The following NCAPD3 variants were observed in gnomAD, a reference collection of about 807,000 sequenced individuals.
The protein encoded by NCAPD3 is non-SMC condensin II complex subunit D3.
NCAPD3 carries 105 observed loss-of-function variants against 182.9 expected under a neutral mutation model. The ratio of observed to expected loss-of-function variants is 0.57; its 90% confidence interval spans 0.49 to 0.68. NCAPD3 has a LOEUF of 0.68. Ranked by LOEUF, NCAPD3 falls within the 30% of genes least tolerant of loss-of-function variation. The pLI, the probability that NCAPD3 is intolerant of heterozygous loss-of-function variation, is 0.00. For missense variants in NCAPD3, 1,944 were observed against 1,837.0 expected, an observed-to-expected ratio of 1.06 and a Z score of -1.07; for synonymous variants, 815 against 679.9, an observed-to-expected ratio of 1.20 and a Z score of -3.09.
intron 23 of NCAPD3, among the ~76,000 whole-genome samples, chr11:134,177,008 T>A (rs1944184945): frequency 6.6e-6 from 1 of 152,264 alleles, no homozygotes; most frequent in South Asian, 2.1e-4. Context: ...CTTGACAGGA[T>A]GTCTGAACAA....
At chr11:134,168,882 G>A (rs760455995) in intron 25 of NCAPD3, 35 bp downstream of exon 25, 5 of 1,599,690 alleles carry the variant, frequency 3.1e-6, no homozygotes. Context: ...CTCTTACCCA[G>A]ATACAAGGAG....
intron 19 of NCAPD3, among the ~76,000 whole-genome samples, chr11:134,181,820 G>C (rs1250989202): frequency 2.0e-5 from 3 of 152,118 alleles, no homozygotes; most frequent in Non-Finnish European, 2.9e-5. Flanking sequence ...CCACCCCCTT[G>C]CTTCCATGTT....
At chr11:134,217,449 CTATT>C (rs34253516) in intron 2 of NCAPD3, among the ~76,000 whole-genome samples, 3,945 of 152,224 alleles carry the variant, frequency 0.026, 178 homozygotes, top group African/African-American at 0.09. Context: ...AGTTATCCCT[CTATT>C]TATATTAAAA....
intron 28 of NCAPD3, among the ~76,000 whole-genome samples, chr11:134,161,044 C>T (rs932018038): frequency 1.6e-4 from 24 of 151,920 alleles, no homozygotes; most frequent in African/African-American, 4.1e-4. Flanking sequence ...ATCTTTCCTA[C>T]CTTGGCTTCC....
intron 24 of NCAPD3, among the ~76,000 whole-genome samples, chr11:134,172,375 T>C (rs1345112672): frequency 6.6e-6 from 1 of 152,228 alleles, no homozygotes; most frequent in Non-Finnish European, 1.5e-5. Context: ...GATCAACTGA[T>C]GACTACCCTG....
intron 13 of NCAPD3, among the ~76,000 whole-genome samples, chr11:134,195,580 T>C (rs1019396273): frequency 1.3e-5 from 2 of 152,028 alleles, no homozygotes; most frequent in African/African-American, 2.4e-5. Context: ...CCAAAACAAA[T>C]AAACTAAAAA....
At chr11:134,222,396 T>C (rs548024783) in intron 1 of NCAPD3, among the ~76,000 whole-genome samples, 37 of 152,268 alleles carry the variant, frequency 2.4e-4, no homozygotes, top group African/African-American at 8.9e-4. Flanking sequence ...ATTTCACACT[T>C]AGGATACCAA....
At chr11:134,171,146 C>T (rs944965572) in intron 24 of NCAPD3, among the ~76,000 whole-genome samples, 1 of 152,136 alleles carries the variant, frequency 6.6e-6, no homozygotes, top group African/African-American at 2.4e-5. Context: ...CGTTCAGCAT[C>T]CTCTCCCCAG....
chr11:134,159,684 A>G (rs581591), intron 29 of NCAPD3, among the ~76,000 whole-genome samples: 4,583 of 152,306 alleles, frequency 0.03, 249 homozygotes, highest in East Asian at 0.25. Flanking sequence ...TTCCTGCACC[A>G]CGTCCTCATG....
In NCAPD3 at chr11:134,150,260, C is replaced by A. The variant is rs1259910118; in HGVS notation, c.*2684G>T. The A allele has an allele frequency of 6.6e-6, 1 of 152,364 alleles. No individual in the cohort carries two copies. Among genetic ancestry groups the A allele is most frequent in the African/African-American group, 2.4e-5 (1 of 41,468 alleles). The allele number at this position is 152,364 out of a possible 1,614,324, so 9.4% of individuals were successfully genotyped here. A position where few individuals can be genotyped will look rare whatever the true frequency, so the allele number is the denominator to read the frequency against. ...GTTAAGCAATGTTGAAATCAGTTTGCATCTCTTCAAAAGAAACCTCTCAGG... is the reference window on the plus strand; with the variant it reads ...GTTAAGCAATGTTGAAATCAGTTTGAATCTCTTCAAAAGAAACCTCTCAGG... On this transcript the variant is annotated 3_prime_UTR_variant, in exon 35 of 35. Coordinates refer to ENST00000534548, the MANE Select transcript of NCAPD3 (RefSeq NM_015261.3).
At chr11:134,211,872 A>G (rs1565556593) in intron 3 of NCAPD3, among the ~76,000 whole-genome samples, 1 of 152,178 alleles carries the variant, frequency 6.6e-6, no homozygotes, top group South Asian at 2.1e-4. Context: ...ATGGGAGAAC[A>G]TCGTGCAGTC....
chr11:134,194,824 C>T (rs897878150), intron 13 of NCAPD3, 86 bp from the exon 14 acceptor site: 96 of 848,578 alleles, frequency 1.1e-4, no homozygotes, highest in Middle Eastern at 4.5e-4. Flanking sequence ...CCAGAAAATA[C>T]ACTCATCTTA....
chr11:134,155,664 A>G (rs1943399039), intron 32 of NCAPD3, among the ~76,000 whole-genome samples: 1 of 152,154 alleles, frequency 6.6e-6, no homozygotes, highest in Non-Finnish European at 1.5e-5. Flanking sequence ...CACAACGAAA[A>G]TGAGATGCGT....
chr11:134,200,985 C>T (rs563851296), intron 13 of NCAPD3, among the ~76,000 whole-genome samples: 1 of 151,402 alleles, frequency 6.6e-6, no homozygotes, highest in Admixed American at 6.6e-5. Context: ...AAAGACAACA[C>T]AGTACATGAC....
Position 134,158,330 on chromosome 11 carries a change from T to A in NCAPD3, c.4033A>T (p.Arg1345Trp). The change falls in exon 30 of 35, where the codon AGG becomes TGG. Residue 1345 changes from arginine (R) to tryptophan (W), a missense_variant and splice_region_variant. By Grantham distance (101) the Arg-to-Trp change is moderately radical. This residue lies in a region of NCAPD3 where 1,803 missense variants were observed against 1,674.6 expected (regional missense o/e 1.08). Transcript: ENST00000534548. ...ATGTGGCCTCCAGGGGCTCTTTACCTGGCTTTGGGCAGCAACCTCTGCAAT... is the reference window on the plus strand; with the variant it reads ...ATGTGGCCTCCAGGGGCTCTTTACCAGGCTTTGGGCAGCAACCTCTGCAAT... ...GPLQRLLPKARPMSLSTIAIL... is the reference protein window; with the variant it reads ...GPLQRLLPKAWPMSLSTIAIL... 6.2e-7 allele frequency: 1 copy of A among 1,614,084 alleles called. No individual in the cohort carries two copies. The highest frequency in any genetic ancestry group is 8.5e-7 in the Non-Finnish European group (1 of 1,180,006).
intron 32 of NCAPD3, among the ~76,000 whole-genome samples, chr11:134,154,351 C>A (rs954076020): frequency 6.6e-6 from 1 of 152,158 alleles, no homozygotes; most frequent in African/African-American, 2.4e-5. Context: ...CACCCTCAGT[C>A]TCAGCTGGTC....
At chr11:134,213,939 G>A (rs1037944319) in intron 3 of NCAPD3, among the ~76,000 whole-genome samples, 1 of 152,132 alleles carries the variant, frequency 6.6e-6, no homozygotes, top group Non-Finnish European at 1.5e-5. Flanking sequence ...TAAAAGAACT[G>A]AGAGGAGAAA....
rs755152875 is a variant in NCAPD3, at chr11:134,158,067, C to T, written c.4035G>A (p.Arg1345=). The T allele has an allele frequency of 1.9e-6, 3 of 1,613,130 alleles. No individual in the cohort carries two copies. In the East Asian group the frequency reaches 6.7e-5, roughly 36 times the overall value. The part of the protein sequence containing the change: ...GPLQRLLPKA[R]PMSLSTIAIL... ...TTGCAATGGTGCTCAGGGACATGGG[C>T]CTGTGGAGAACAGCCACAGCCGCTG... is the stretch of plus-strand genomic sequence containing the variant. Residue 1345 remains arginine (R), a splice_region_variant and synonymous_variant, in exon 31 of 35, where the codon AGG becomes AGA. Transcript: ENST00000534548.
intron 2 of NCAPD3, among the ~76,000 whole-genome samples, chr11:134,219,495 T>C (rs1030942586): frequency 1.3e-5 from 2 of 152,180 alleles, no homozygotes; most frequent in African/African-American, 4.8e-5. Context: ...ATCCCCACTC[T>C]GTCAACTCAG....
Sources: gnomAD v4.1 joint callset for allele counts (sites outside exome capture counted in the v4.1 genomes callset) on GRCh38, gnomAD v4.1.1 for gene constraint, gnomAD v4.1.1 regional missense constraint, MANE v1.5 for transcripts, NCBI Gene and HGNC (gene_info 2026-07-23, HGNC 2026-07-21) for gene names.